The following MMS22L variants were observed in gnomAD, a reference collection of about 807,000 sequenced individuals.
MMS22L encodes the protein protein MMS22-like.
Under a neutral mutation model 159.1 loss-of-function variants are expected in MMS22L, and 74 were observed. The observed-to-expected ratio is 0.47, with a 90% CI of 0.39 to 0.56. MMS22L has a LOEUF of 0.56. Among genes scored for constraint, MMS22L ranks in the 20% least tolerant of loss-of-function variants. The pLI is 0.00. For synonymous variants in MMS22L, 517 were observed against 506.9 expected (o/e 1.02, Z -0.27); for missense variants, 1,351 against 1,422.1 (o/e 0.95, Z 0.80).
At chr6:97,273,412 A>G (rs1815951418) in intron 4 of MMS22L, among the ~76,000 whole-genome samples, 1 of 152,080 alleles carries the variant, frequency 6.6e-6, no homozygotes, top group South Asian at 2.1e-4. Context: ...TTCTATTATT[A>G]ATATGGTCTC....
chr6:97,272,369 A>G (rs1815834350), intron 6 of MMS22L: 2 of 169,972 alleles, frequency 1.2e-5, no homozygotes, highest in Non-Finnish European at 2.5e-5. Context: ...AGATTATTTC[A>G]TTTGCTTTAA....
chr6:97,220,847 T>A (rs1053139322), intron 14 of MMS22L, among the ~76,000 whole-genome samples: 1 of 151,828 alleles, frequency 6.6e-6, no homozygotes. Context: ...AAGAAAACGA[T>A]TCATTACACA....
At position 97,143,175 on chromosome 6, in the gene MMS22L, T is replaced by C. The variant is rs1800718789; in HGVS notation, c.*3631A>G. The C allele has an allele frequency of 6.6e-6, 1 of 152,300 alleles. No individual in the cohort carries two copies. The highest frequency in any genetic ancestry group is 2.4e-5 in the African/African-American group (1 of 41,456). 9.4% of individuals were successfully genotyped at this position (152,300 alleles called of 1,614,324 possible). ...TTGTCTTTTATACTCTATCTGGTAT[T>C]TTATAGATATTATTTGACTGGAATA... On this transcript the variant is annotated 3_prime_UTR_variant, in exon 25 of 25. Coordinates refer to ENST00000683635, the MANE Select transcript of MMS22L (RefSeq NM_001350599.2).
chr6:97,211,412 T>C (rs1187351157), intron 14 of MMS22L, among the ~76,000 whole-genome samples: 2 of 152,036 alleles, frequency 1.3e-5, no homozygotes, highest in Non-Finnish European at 2.9e-5. Flanking sequence ...ATCCACATTC[T>C]GTGTTATAGG....
At chr6:97,228,598 A>C (rs920924949) in intron 14 of MMS22L, among the ~76,000 whole-genome samples, 3 of 152,238 alleles carry the variant, frequency 2.0e-5, no homozygotes, top group African/African-American at 2.4e-5. Flanking sequence ...TTTTATGTTT[A>C]GACTTGGGTC....
chr6:97,233,795 A>C, intron 12 of MMS22L, 66 bp downstream of exon 12: 1 of 1,501,150 alleles, frequency 6.7e-7, no homozygotes, highest in Non-Finnish European at 8.9e-7. Flanking sequence ...TAAACCATAA[A>C]GACATTCCTC....
Position 97,149,822 on chromosome 6 carries a change from C to T in MMS22L, c.3650+31G>A, listed in dbSNP as rs762633762. On this transcript the variant is annotated intron_variant, in intron 24 of 24. Transcript: ENST00000683635. ...AAATATAAATTTTATAATCACTGCC[C>T]CCCCCAATGTAATTAAATTATCAAA... 7 of 1,519,510 alleles carry T rather than the reference C, an allele frequency of 4.6e-6. No individual in the cohort carries two copies. In the Admixed American group the frequency reaches 1.1e-4, roughly 23 times the overall value. 94.1% of individuals were successfully genotyped at this position (1,519,510 alleles called of 1,614,324 possible).
At chr6:97,160,322 T>A (rs1802307427) in intron 22 of MMS22L, among the ~76,000 whole-genome samples, 1 of 152,046 alleles carries the variant, frequency 6.6e-6, no homozygotes, top group Admixed American at 6.6e-5. Flanking sequence ...TTTTAATTTA[T>A]TTGAGAAGGT....
At chr6:97,156,258 T>C (rs573051683) in intron 22 of MMS22L, among the ~76,000 whole-genome samples, 1 of 152,332 alleles carries the variant, frequency 6.6e-6, no homozygotes, top group East Asian at 1.9e-4. Flanking sequence ...AAAAATTTTC[T>C]CTCATTCTGT....
At chr6:97,279,908 A>T (rs765559232) in intron 3 of MMS22L, among the ~76,000 whole-genome samples, 1 of 152,242 alleles carries the variant, frequency 6.6e-6, no homozygotes, top group Non-Finnish European at 1.5e-5. Flanking sequence ...AATGTAGACT[A>T]AAGTATCAGG....
chr6:97,168,326 G>T, intron 19 of MMS22L, 86 bp from the exon 20 acceptor site: 1 of 1,246,768 alleles, frequency 8.0e-7, no homozygotes, highest in Non-Finnish European at 1.1e-6. Flanking sequence ...TGTATTGAAA[G>T]CACATGGGAC....
chr6:97,184,190 T>A (rs1014116646), intron 15 of MMS22L, among the ~76,000 whole-genome samples: 12 of 152,042 alleles, frequency 7.9e-5, no homozygotes, highest in African/African-American at 2.9e-4. Flanking sequence ...TTCCTCTCTT[T>A]GGGCTCCACG....
At chr6:97,256,776 C>A (rs779782422) in intron 9 of MMS22L, among the ~76,000 whole-genome samples, 2 of 152,042 alleles carry the variant, frequency 1.3e-5, no homozygotes, top group African/African-American at 2.4e-5. Context: ...ACCAGTGAGA[C>A]CCTGTCTCTA....
intron 9 of MMS22L, chr6:97,259,471 G>A (rs1321138356): frequency 2.6e-5 from 4 of 152,082 alleles, no homozygotes; most frequent in Non-Finnish European, 5.9e-5. Context: ...AAAGTCCTCC[G>A]AGGGTAGAGA....
At chr6:97,243,099 T>C (rs1229746899) in intron 11 of MMS22L, among the ~76,000 whole-genome samples, 2 of 152,272 alleles carry the variant, frequency 1.3e-5, no homozygotes, top group African/African-American at 4.8e-5. Flanking sequence ...TCTTTGAGCT[T>C]CTTGTATTTG....
chr6:97,258,653 C>G (rs2128065957), intron 9 of MMS22L: 1 of 152,304 alleles, frequency 6.6e-6, no homozygotes, highest in East Asian at 1.9e-4. Flanking sequence ...ACAGACAAAC[C>G]TGACTCCAAT....
Position 97,173,153 on chromosome 6 carries a change from C to T in MMS22L, c.2749G>A (p.Glu917Lys). The T allele has an allele frequency of 6.2e-7, 1 of 1,613,534 alleles. No individual in the cohort carries two copies. Among genetic ancestry groups the T allele is most frequent in the African/African-American group, 1.3e-5 (1 of 74,978 alleles). Residue 917 changes from glutamate (E) to lysine (K), a missense_variant, in exon 19 of 25, where the codon GAA becomes AAA. By Grantham distance (56) the Glu-to-Lys change is moderately conservative. Transcript: ENST00000683635. ...TATTTTAATACTTCACCAAGGTATT[C>T]CAAGGACTTTGTGACCATGGCAGAT... The part of the protein sequence containing the change: ...DKSAMVTKSL[E>K]YLGEVLKYIK...
intron 10 of MMS22L, among the ~76,000 whole-genome samples, chr6:97,248,483 G>T (rs1041643291): frequency 2.6e-5 from 4 of 152,186 alleles, no homozygotes; most frequent in Non-Finnish European, 4.4e-5. Context: ...TAGCAAAATT[G>T]TTGACTTTTT....
intron 18 of MMS22L, among the ~76,000 whole-genome samples, chr6:97,175,462 T>C (rs986001088): frequency 6.6e-6 from 1 of 152,212 alleles, no homozygotes; most frequent in African/African-American, 2.4e-5. Context: ...TACAGATTAG[T>C]TGTAACTAAA....
Sources: gnomAD v4.1 joint callset for allele counts (sites outside exome capture counted in the v4.1 genomes callset) on GRCh38, gnomAD v4.1.1 for gene constraint, MANE v1.5 for transcripts, NCBI Gene and HGNC (gene_info 2026-07-23, HGNC 2026-07-21) for gene names.